IL5: variants seen among roughly 807,000 people sequenced by gnomAD.
IL5 encodes interleukin-5.
Under a neutral mutation model 16.3 loss-of-function variants are expected in IL5, and 12 were observed. The ratio of observed to expected loss-of-function variants is 0.74; its 90% CI spans 0.47 to 1.20. The LOEUF is 1.20. Among genes scored for constraint, IL5 ranks in the 50% most tolerant of loss-of-function variants. The pLI, the probability that IL5 is intolerant of heterozygous loss-of-function variation, is 0.00. For missense variants in IL5, 159 were observed against 153.9 expected, an observed-to-expected ratio of 1.03 and a Z score of -0.17; for synonymous variants, 54 against 56.6, an observed-to-expected ratio of 0.95 and a Z score of 0.21.
chr5:132,543,596 AG>A, upstream of IL5: 1 of 989,880 alleles, frequency 1.0e-6, no homozygotes, highest in Non-Finnish European at 1.4e-6. Context: ...AATCAGATAG[AG>A]AATGCCTAAT....
chr5:132,550,033 C>T (rs1033952378), intron 1 of IL5, among the ~76,000 whole-genome samples: 1 of 144,714 alleles, frequency 6.9e-6, no homozygotes, highest in Non-Finnish European at 1.6e-5. Flanking sequence ...TTGTATTTAT[C>T]TTTTTTATGA....
chr5:132,541,849 G>T lies in IL5; in HGVS notation c.367C>A (p.Leu123Ile). ...NQFLDYLQEF[L>I]GVMNTEWIIE... Reference sequence around the variant, plus strand: ...ATCCACTCGGTGTTCATTACACCAAGAAACTCTTGCAGGTAGTCTAGGAAT... The same window carrying T: ...ATCCACTCGGTGTTCATTACACCAATAAACTCTTGCAGGTAGTCTAGGAAT... Residue 123 changes from leucine (L) to isoleucine (I), a missense_variant, in exon 4 of 4, where the codon CTT (leucine) becomes ATT (isoleucine). Transcript: ENST00000231454. 6.2e-7 allele frequency: 1 copy of T among 1,613,726 alleles called. No homozygotes were observed. The highest frequency in any genetic ancestry group is 8.5e-7 in the Non-Finnish European group (1 of 1,179,752).
intron 1 of IL5, among the ~76,000 whole-genome samples, chr5:132,550,934 A>C (rs376822618): frequency 6.6e-4 from 100 of 152,338 alleles, no homozygotes; most frequent in African/African-American, 2.2e-3. Context: ...AAAAATGCTA[A>C]ATAGTGATAA....
Position 132,549,786 on chromosome 5 carries a change from C to T in IL5, c.43-6660G>A, listed in dbSNP as rs910034301. Among the ~76,000 whole-genome samples, 15 of 152,146 alleles carry T rather than the reference C, an allele frequency of 9.9e-5. No homozygotes were observed. In the South Asian group the frequency reaches 1.9e-3, roughly 19 times the overall value. On this transcript the variant is annotated intron_variant, in intron 1 of 2. Transcript: ENST00000450655. ...TTCTAATCAACTGAGCATGATGCCT[C>T]GCAATTTTCATGATGACTAAATGTA...
chr5:132,556,643 G>T, intron 1 of IL5: 1 of 1,195,986 alleles, frequency 8.4e-7, no homozygotes, highest in South Asian at 1.6e-5. Context: ...GAATGAGAAT[G>T]AAAAGGAAAA....
At position 132,543,490 on chromosome 5, in the gene IL5, G is replaced by A. The variant is rs370136174; in HGVS notation, c.-12C>T. Reference sequence around the variant, plus strand: ...AGAAGCATCCTCATGGCTCTGAAACGTTCTGCGTTTGCCTTTGGCAAAGAA... The same window carrying A: ...AGAAGCATCCTCATGGCTCTGAAACATTCTGCGTTTGCCTTTGGCAAAGAA... On this transcript the variant is annotated 5_prime_UTR_variant, in exon 1 of 4. In the 5' UTR this introduces an upstream ATG that the reference lacks. Coordinates refer to ENST00000231454, the MANE Select transcript of IL5 (RefSeq NM_000879.3). The A allele has an allele frequency of 4.3e-6, 7 of 1,612,618 alleles. No homozygotes were observed. The highest frequency in any genetic ancestry group is 1.3e-5 in the African/African-American group (1 of 74,950).
At chr5:132,548,481 C>G (rs148307846), upstream of IL5, among the ~76,000 whole-genome samples, 460 of 152,256 alleles carry the variant, frequency 3.0e-3, 2 homozygotes, top group Middle Eastern at 0.017. Context: ...ACAGCAGGTC[C>G]TTGAATAACT....
At chr5:132,556,813 A>T in exon 1 of IL5, 1 of 1,202,400 alleles carries the variant, frequency 8.3e-7, no homozygotes, top group Non-Finnish European at 1.1e-6. Flanking sequence ...GCCCATCCCC[A>T]GCAAAGATCC....
chr5:132,554,747 A>G (rs1749945078), intron 1 of IL5, among the ~76,000 whole-genome samples: 1 of 152,214 alleles, frequency 6.6e-6, no homozygotes, highest in African/African-American at 2.4e-5. Context: ...GTACACCAAT[A>G]TATATAGCCA....
At chr5:132,544,394 C>G (rs1025902193), upstream of IL5, among the ~76,000 whole-genome samples, 1 of 152,188 alleles carries the variant, frequency 6.6e-6, no homozygotes, top group African/African-American at 2.4e-5. Flanking sequence ...AGAGGTGACC[C>G]TAATCCTACC....
At position 132,541,651 on chromosome 5, in the gene IL5, T is replaced by C. The variant is rs1749691093; in HGVS notation, c.*160A>G. ...TCTGAAATATATTTTAAGAATTTTA[T>C]GCTTTCTGGCAAAGTGTCAGTATGC... On this transcript the variant is annotated 3_prime_UTR_variant, in exon 4 of 4. Coordinates refer to ENST00000231454, the MANE Select transcript of IL5 (RefSeq NM_000879.3). 7.9e-6 allele frequency: 4 copies of C among 508,564 alleles called. No individual in the cohort carries two copies. Among genetic ancestry groups the C allele is most frequent in the Admixed American group, 3.8e-5 (1 of 26,564 alleles). The allele number at this position is 508,564 out of a possible 1,614,324, so 31.5% of individuals were successfully genotyped here. A position where few individuals can be genotyped will look rare whatever the true frequency, so the allele number is the denominator to read the frequency against.
chr5:132,556,102 T>G (rs1329924589), intron 1 of IL5: 5 of 152,256 alleles, frequency 3.3e-5, no homozygotes, highest in African/African-American at 1.2e-4. Context: ...ATTGTATGAC[T>G]GGAGAAACAT....
At chr5:132,543,899 A>G (rs1160608356), upstream of IL5, 1 of 155,852 alleles carries the variant, frequency 6.4e-6, no homozygotes, top group African/African-American at 2.4e-5. Context: ...GCTATGTTCT[A>G]CTATGACTGT....
chr5:132,548,072 TA>T (rs1749821550), upstream of IL5, among the ~76,000 whole-genome samples: 1 of 151,774 alleles, frequency 6.6e-6, no homozygotes, highest in East Asian at 1.9e-4. Flanking sequence ...CCATTTCAAA[TA>T]AATAAATAAA....
upstream of IL5, among the ~76,000 whole-genome samples, chr5:132,548,343 C>G (rs962304586): frequency 6.6e-6 from 1 of 152,016 alleles, no homozygotes; most frequent in Non-Finnish European, 1.5e-5. Flanking sequence ...TTGAATCGAT[C>G]TCTTCATCCT....
intron 1 of IL5, among the ~76,000 whole-genome samples, chr5:132,555,861 AG>A (rs1277024790): frequency 6.6e-6 from 1 of 152,194 alleles, no homozygotes; most frequent in African/African-American, 2.4e-5. Flanking sequence ...AAATAAAAAA[AG>A]GTCTTTCGTC....
At chr5:132,545,897 G>A (rs973360629), upstream of IL5, among the ~76,000 whole-genome samples, 1 of 152,054 alleles carries the variant, frequency 6.6e-6, no homozygotes, top group South Asian at 2.1e-4. Context: ...TCCAGCCTGC[G>A]CAAGAGAGTG....
chr5:132,548,459 G>A (rs1346112608), upstream of IL5, among the ~76,000 whole-genome samples: 1 of 152,190 alleles, frequency 6.6e-6, no homozygotes, highest in Admixed American at 6.5e-5. Context: ...TACTCGTTGA[G>A]TTAATGTGAA....
chr5:132,543,223 T>C, intron 1 of IL5, 97 bp from the exon 2 acceptor site: 1 of 1,401,854 alleles, frequency 7.1e-7, no homozygotes, highest in Non-Finnish European at 1.0e-6. Context: ...ACCCATGTAC[T>C]AATGTGCTCA....
Sources: gnomAD v4.1 joint callset for allele counts (sites outside exome capture counted in the v4.1 genomes callset) on GRCh38, gnomAD v4.1.1 for gene constraint, MANE v1.5 for transcripts, NCBI Gene and HGNC (gene_info 2026-07-23, HGNC 2026-07-21) for gene names.